The following SHMT2 variants were observed in gnomAD, a reference collection of about 807,000 sequenced individuals.
SHMT2 encodes serine hydroxymethyltransferase, mitochondrial.
Under a neutral mutation model 59.6 loss-of-function variants are expected in SHMT2, and 38 were observed. The observed-to-expected ratio is 0.64, with a 90% CI of 0.49 to 0.84. SHMT2 has a LOEUF of 0.84. SHMT2 is among the 40% of genes least tolerant of loss of function. SHMT2 has a pLI of 0.00. For missense variants in SHMT2, 533 were observed against 659.5 expected, an observed-to-expected ratio of 0.81 and a Z score of 2.10; for synonymous variants, 254 against 258.1, an observed-to-expected ratio of 0.98 and a Z score of 0.15.
At position 57,232,751 on chromosome 12, in the gene SHMT2, C is replaced by T. The variant is rs768724092; in HGVS notation, c.765C>T (p.Ile255=). 4.3e-6 allele frequency: 7 copies of T among 1,613,334 alleles called. No individual in the cohort carries two copies. The South Asian group carries it at 5.5e-5, about 13-fold the overall frequency. The stretch of plus-strand genomic sequence containing the variant: ...ACCTGCTGGCAGACATGGCCCACAT[C>T]AGTGGCCTGGTGGCTGCCAAGGTGA... ...KAHLLADMAH[I]SGLVAAKVIP... is the part of the protein sequence containing the mutation. The change falls in exon 7 of 12, where the codon ATC becomes ATT. Residue 255 remains isoleucine (I), a synonymous_variant. Transcript: ENST00000328923.
chr12:57,230,839 A>C lies in SHMT2; in HGVS notation c.70A>C (p.Ile24Leu), dbSNP rs2037284991. The C allele has an allele frequency of 2.5e-6, 4 of 1,614,002 alleles. No individual in the cohort carries two copies. The highest frequency in any genetic ancestry group is 2.2e-5 in the South Asian group (2 of 91,086). The change falls in exon 2 of 12, where the codon ATT becomes CTT. Residue 24 changes from isoleucine to leucine, a missense_variant. Coordinates refer to ENST00000328923, the MANE Select transcript of SHMT2 (RefSeq NM_005412.6). ...QRCGQLVRMA[I>L]RAQHSNAAQT... is the part of the protein sequence containing the mutation. ...ATGTGGGCAGCTGGTCAGGATGGCC[A>C]TTCGGGCTCAGCACAGCAACGCAGC...
intron 2 of SHMT2, 29 bp from the exon 3 acceptor site, chr12:57,231,452 C>T (rs781237901): frequency 6.2e-6 from 10 of 1,609,370 alleles, no homozygotes. Context: ...GGGCTCAATA[C>T]CTTCTGACAT....
At chr12:57,233,407 C>G in intron 8 of SHMT2, 62 bp downstream of exon 8, 2 of 1,525,930 alleles carry the variant, frequency 1.3e-6, no homozygotes. Flanking sequence ...AGACCCTGCA[C>G]CTTGCTAACT....
chr12:57,234,003 G>A lies in SHMT2; in HGVS notation c.1280G>A (p.Gly427Glu). Residue 427 changes from glycine to glutamate, a missense_variant and splice_region_variant, in exon 11 of 12, where the codon GGG becomes GAG. By Grantham distance (98) the Gly-to-Glu change is moderately conservative. Coordinates refer to ENST00000328923, the MANE Select transcript of SHMT2 (RefSeq NM_005412.6). ...TCCCTCCCCTTGTGCCTCGTTCCAG[G>A]GGCCCCAGCCTTAACTTCTCGACAG... The part of the protein sequence containing the change: ...SAITPGGLRL[G>E]APALTSRQFR... 1 of 1,614,190 alleles carries A rather than the reference G, an allele frequency of 6.2e-7. No individual in the cohort carries two copies.
rs1433589109 is a variant in SHMT2 at position 57,232,450 on chromosome 12, C to G, written c.595-3C>G. 1.9e-6 allele frequency: 3 copies of G among 1,614,142 alleles called. No homozygotes were observed. Among genetic ancestry groups the G allele is most frequent in the Non-Finnish European group, 2.5e-6 (3 of 1,180,016 alleles). ...GGCTTTAGCTGTTTGTGTGTCTGTC[C>G]AGCCCAAAACTGGCCTCATTGACTA... On this transcript the variant is annotated splice_polypyrimidine_tract_variant and splice_region_variant and intron_variant, in intron 5 of 11. Transcript: ENST00000328923.
Position 57,232,298 on chromosome 12 carries a change from T to C in SHMT2, c.594+6T>C. On this transcript the variant is annotated splice_donor_region_variant and intron_variant, in intron 5 of 11. Coordinates refer to ENST00000328923, the MANE Select transcript of SHMT2 (RefSeq NM_005412.6). ...CTATGCCCTATAAGCTCAACGTGAG[T>C]GCTCTAGGGTGTGGGGAGGGGCTCT... 6.2e-7 allele frequency: 1 copy of C among 1,613,552 alleles called. No individual in the cohort carries two copies. The highest frequency in any genetic ancestry group is 1.1e-5 in the South Asian group (1 of 91,068).
At position 57,230,919 on chromosome 12, in the gene SHMT2, G is replaced by C; in HGVS notation, c.150G>C (p.Ser50=). 6.2e-7 allele frequency: 1 copy of C among 1,614,058 alleles called. No individual in the cohort carries two copies. Among genetic ancestry groups the C allele is most frequent in the South Asian group, 1.1e-5 (1 of 91,078 alleles). The change falls in exon 2 of 12, where the codon TCG becomes TCC. Residue 50 remains serine, a synonymous_variant. Transcript: ENST00000328923. ...GCTGGACAGGCCAGGAGAGCCTGTC[G>C]GACAGTGATCCTGAGATGTGGGAGT... ...NRGWTGQESL[S]DSDPEMWELL...
In SHMT2 at chr12:57,234,393, A is replaced by C. The variant is rs1157370152; in HGVS notation, c.*32A>C. 6.5e-7 allele frequency: 1 copy of C among 1,546,544 alleles called. No homozygotes were observed. Among genetic ancestry groups the C allele is most frequent in the South Asian group, 1.2e-5 (1 of 80,074 alleles). ...CTGGGAAATGAGGCCCACAGACTCA[A>C]AGTTACTCTCCTTCCCCCTACCTGG... On this transcript the variant is annotated 3_prime_UTR_variant, in exon 12 of 12. Transcript: ENST00000328923.
At position 57,233,351 on chromosome 12, in the gene SHMT2, G is replaced by T; in HGVS notation, c.1023+6G>T. 1 of 1,589,486 alleles carries T rather than the reference G, an allele frequency of 6.3e-7. No homozygotes were observed. The highest frequency in any genetic ancestry group is 8.6e-7 in the Non-Finnish European group (1 of 1,166,766). On this transcript the variant is annotated splice_donor_region_variant and intron_variant, in intron 8 of 11. Transcript: ENST00000328923. ...TAGCTGTGGCCCTAAAGCAGGTTGG[G>T]GATCCTGTCTTTGTAGGGTGTGGGG...
In SHMT2 at chr12:57,232,591, T is replaced by C; in HGVS notation, c.717+16T>C. 6.2e-7 allele frequency: 1 copy of C among 1,613,748 alleles called. No individual in the cohort carries two copies. The highest frequency in any genetic ancestry group is 8.5e-7 in the Non-Finnish European group (1 of 1,179,854). On this transcript the variant is annotated intron_variant, in intron 6 of 11. Coordinates refer to ENST00000328923, the MANE Select transcript of SHMT2 (RefSeq NM_005412.6). The stretch of plus-strand genomic sequence containing the variant: ...CATGAGAGAGGTTGGTGGGGGGGGC[T>C]GGAGACTGGGCACCTCCCCAGGGGG...
In SHMT2 at chr12:57,231,150, G is replaced by A. The variant is rs563908762; in HGVS notation, c.231+150G>A. The A allele has an allele frequency of 2.7e-4, 213 of 793,626 alleles. 3 individuals are homozygous for A. The South Asian group carries it at 3.6e-3, about 13-fold the overall frequency. The allele number at this position is 793,626 out of a possible 1,614,324, so 49.2% of individuals were successfully genotyped here. On this transcript the variant is annotated intron_variant, in intron 2 of 11. Coordinates refer to ENST00000328923, the MANE Select transcript of SHMT2 (RefSeq NM_005412.6). The stretch of plus-strand genomic sequence containing the variant: ...CCTTTCTTATCTCCCTCAAGCAAAG[G>A]CAGTGCAAGTCCAGTTTATGGGGTT...
At position 57,233,898 on chromosome 12, in the gene SHMT2, C is replaced by T. The variant is rs754743336; in HGVS notation, c.1273C>T (p.Arg425Trp). Residue 425 changes from arginine to tryptophan, a missense_variant, in exon 10 of 12, where the codon CGG (arginine) becomes TGG (tryptophan). Transcript: ENST00000328923. ...AAGTGCCATCACACCGGGCGGCCTG[C>T]GGCTTGGTGAGACCTGGGGTTTGAG... is the stretch of plus-strand genomic sequence containing the variant. ...DRSAITPGGL[R>W]LGAPALTSRQ... 10 of 1,614,062 alleles carry T rather than the reference C, an allele frequency of 6.2e-6. No homozygotes were observed. The highest frequency in any genetic ancestry group is 3.3e-5 in the Admixed American group (2 of 60,004).
chr12:57,231,688 C>T (rs762502537), intron 3 of SHMT2, 25 bp from the exon 4 acceptor site: 2 of 1,613,494 alleles, frequency 1.2e-6, no homozygotes, highest in Non-Finnish European at 1.7e-6. Context: ...TTCTCTGTGC[C>T]CTCATTACCC....
chr12:57,229,930 TC>T, intron 1 of SHMT2, 119 bp downstream of exon 1: 3 of 1,511,378 alleles, frequency 2.0e-6, no homozygotes, highest in Non-Finnish European at 2.7e-6. Context: ...GATTGGGGCC[TC>T]AGGGAGCGGA....
chr12:57,232,449 C>T lies in SHMT2; in HGVS notation c.595-4C>T, dbSNP rs767579674. The stretch of plus-strand genomic sequence containing the variant: ...GGGCTTTAGCTGTTTGTGTGTCTGT[C>T]CAGCCCAAAACTGGCCTCATTGACT... On this transcript the variant is annotated splice_polypyrimidine_tract_variant and splice_region_variant and intron_variant, in intron 5 of 11. Coordinates refer to ENST00000328923, the MANE Select transcript of SHMT2 (RefSeq NM_005412.6). 6.2e-7 allele frequency: 1 copy of T among 1,614,162 alleles called. No individual in the cohort carries two copies. The highest frequency in any genetic ancestry group is 1.1e-5 in the South Asian group (1 of 91,080).
In SHMT2 at chr12:57,234,084, T is replaced by C. The variant is rs1294243777; in HGVS notation, c.1361T>C (p.Ile454Thr). ...GACTTTATAGATGAAGGGGTCAACA[T>C]TGGCTTAGAGGTGAAGAGCAAGACT... ...VVDFIDEGVN[I>T]GLEVKSKTAK... Residue 454 changes from isoleucine to threonine, a missense_variant, in exon 11 of 12, where the codon ATT (isoleucine) becomes ACT (threonine). Ile to Thr is a moderately conservative substitution (Grantham distance 89). Transcript: ENST00000328923. 3.1e-6 allele frequency: 5 copies of C among 1,614,170 alleles called. No individual in the cohort carries two copies. Among genetic ancestry groups the C allele is most frequent in the South Asian group, 1.1e-5 (1 of 91,078 alleles).
rs1166900191 is a variant in SHMT2 at position 57,232,801 on chromosome 12, A to T, written c.815A>T (p.Asp272Val). 1 of 1,613,572 alleles carries T rather than the reference A, an allele frequency of 6.2e-7. No homozygotes were observed. The highest frequency in any genetic ancestry group is 1.7e-5 in the Admixed American group (1 of 60,016). The change falls in exon 7 of 12, where the codon GAC becomes GTC. Residue 272 changes from aspartate to valine, a missense_variant. Physicochemically the swap from Asp to Val is radical, Grantham distance 152 (BLOSUM62 -3). Coordinates refer to ENST00000328923, the MANE Select transcript of SHMT2 (RefSeq NM_005412.6). ...ATTCCCTCGCCTTTCAAGCACGCGG[A>T]CATCGTCACCACCACTACTCACAAG... ...KVIPSPFKHADIVTTTTHKTL... is the reference protein window; with the variant it reads ...KVIPSPFKHAVIVTTTTHKTL...
At position 57,230,172 on chromosome 12, in the gene SHMT2, A is replaced by T. The variant is rs987721895; in HGVS notation, c.33+361A>T. 2.2e-5 allele frequency: 28 copies of T among 1,300,084 alleles called. No homozygotes were observed. The East Asian group carries it at 1.2e-3, about 56-fold the overall frequency. The allele number at this position is 1,300,084 out of a possible 1,614,324, so 80.5% of individuals were successfully genotyped here. A position where few individuals can be genotyped will look rare whatever the true frequency, so the allele number is the denominator to read the frequency against. On this transcript the variant is annotated intron_variant, in intron 1 of 11. Coordinates refer to ENST00000328923, the MANE Select transcript of SHMT2 (RefSeq NM_005412.6). The stretch of plus-strand genomic sequence containing the variant: ...CGGCCAGCTCTGAGCCCTGCAGATG[A>T]TGCAACCGAGCTTCACTGCTTGCAT...
chr12:57,231,371 C>A (rs1244061114), intron 2 of SHMT2, 110 bp from the exon 3 acceptor site: 2 of 1,170,864 alleles, frequency 1.7e-6, no homozygotes, highest in African/African-American at 1.5e-5. Flanking sequence ...GTGAATGGAG[C>A]TTTCTGCAGG....
Sources: gnomAD v4.1 joint callset for allele counts on GRCh38, gnomAD v4.1.1 for gene constraint, MANE v1.5 for transcripts, NCBI Gene and HGNC (gene_info 2026-07-23, HGNC 2026-07-21) for gene names.